The following PCDHGB6 variants were observed in gnomAD, a reference collection of about 807,000 sequenced individuals.
PCDHGB6 encodes protocadherin gamma subfamily B, 6.
A neutral mutation model predicts 59.1 loss-of-function variants in PCDHGB6; 51 were observed. That is an observed-to-expected ratio of 0.86 (90% CI 0.69 to 1.09). The LOEUF is 1.09. PCDHGB6 is among the 50% of genes least tolerant of loss of function. The pLI, the probability that PCDHGB6 is intolerant of heterozygous loss-of-function variation, is 0.00. For missense variants in PCDHGB6, 1,148 were observed against 1,205.1 expected (o/e 0.95, Z 0.70); for synonymous variants, 466 against 495.1 (o/e 0.94, Z 0.78).
At chr5:141,467,431 C>T (rs1452587540) in intron 1 of PCDHGB6, among the ~76,000 whole-genome samples, 1 of 152,170 alleles carries the variant, frequency 6.6e-6, no homozygotes, top group African/African-American at 2.4e-5. Flanking sequence ...GTTATAGAAA[C>T]ATTCATTACT....
chr5:141,423,514 G>T (rs1208270970), intron 1 of PCDHGB6: 2 of 1,613,812 alleles, frequency 1.2e-6, no homozygotes, highest in Non-Finnish European at 1.7e-6. Flanking sequence ...TCTCATTGCG[G>T]ACTCGCAGAA....
chr5:141,421,265 T>G (rs2154549151), intron 1 of PCDHGB6: 1 of 1,596,914 alleles, frequency 6.3e-7, no homozygotes, highest in Non-Finnish European at 8.5e-7. Flanking sequence ...CGCAGTCGGC[T>G]GCTGCTGCTG....
intron 1 of PCDHGB6, chr5:141,427,048 C>T (rs1257232583): frequency 4.4e-6 from 2 of 457,350 alleles, no homozygotes; most frequent in South Asian, 1.5e-5. Context: ...AATGTGCCCC[C>T]AGGCACCTCT....
chr5:141,508,741 C>G (rs2099871426), intron 3 of PCDHGB6, among the ~76,000 whole-genome samples: 1 of 152,042 alleles, frequency 6.6e-6, no homozygotes, highest in Non-Finnish European at 1.5e-5. Context: ...ACCCCCCACC[C>G]CGCTCTTTCT....
At chr5:141,446,493 T>C (rs1416449558) in intron 1 of PCDHGB6, among the ~76,000 whole-genome samples, 2 of 152,152 alleles carry the variant, frequency 1.3e-5, no homozygotes. Flanking sequence ...TTTTTTTTTT[T>C]TGAGATGGAG....
At chr5:141,449,979 C>T (rs1382206842) in intron 1 of PCDHGB6, among the ~76,000 whole-genome samples, 1 of 148,862 alleles carries the variant, frequency 6.7e-6, no homozygotes, top group Non-Finnish European at 1.5e-5. Context: ...TCCAAAATAT[C>T]ACACATTGCA....
intron 1 of PCDHGB6, among the ~76,000 whole-genome samples, chr5:141,452,815 A>G (rs1199990390): frequency 6.6e-6 from 1 of 152,186 alleles, no homozygotes; most frequent in Admixed American, 6.5e-5. Flanking sequence ...TTTGTTCATA[A>G]GAAGCAAAAT....
intron 1 of PCDHGB6, chr5:141,427,514 G>A (rs1193674497): frequency 1.7e-6 from 1 of 595,712 alleles, no homozygotes; most frequent in Non-Finnish European, 3.2e-6. Context: ...CCCTGGATTG[G>A]GAGCGGATCC....
chr5:141,491,034 T>A lies in PCDHGB6; in HGVS notation c.2419-3773T>A. On this transcript the variant is annotated intron_variant, in intron 1 of 3. Coordinates refer to ENST00000520790, the MANE Select transcript of PCDHGB6 (RefSeq NM_018926.3). This position sits in a 1 kb window ranked among gnomAD's most constrained non-coding sequence, Gnocchi z 6.9. ...CCAAGGTGACAGCCGTGGATGCTGA[T>A]GCAGGCCACAATGCGTGGCTCTCCT... 1 of 1,614,170 alleles carries A rather than the reference T, an allele frequency of 6.2e-7. No individual in the cohort carries two copies. Among genetic ancestry groups the A allele is most frequent in the African/African-American group, 1.3e-5 (1 of 75,074 alleles).
At chr5:141,478,016 G>A (rs1204231648) in intron 1 of PCDHGB6, 1 of 1,614,108 alleles carries the variant, frequency 6.2e-7, no homozygotes, top group Non-Finnish European at 8.5e-7. Context: ...TGCCCGTCCA[G>A]TCCAAGACAC....
At chr5:141,422,292 T>C in intron 1 of PCDHGB6, 1 of 1,552,434 alleles carries the variant, frequency 6.4e-7, no homozygotes. Context: ...CTTCTATTAA[T>C]TCAATTCTGG....
chr5:141,428,176 A>G (rs751446929), intron 1 of PCDHGB6: 21 of 1,507,402 alleles, frequency 1.4e-5, no homozygotes, highest in Non-Finnish European at 1.9e-5. Context: ...TGCGTGACGG[A>G]GGACAGCCGC....
Position 141,489,699 on chromosome 5 carries a change from A to G in PCDHGB6, c.2419-5108A>G. ...CAGCAGCATCTGGGGCACGATTCCC[A>G]CTGGACAGTGCCCAGGATCCGGATG... is the stretch of plus-strand genomic sequence containing the variant. On this transcript the variant is annotated intron_variant, in intron 1 of 3. Transcript: ENST00000520790. The surrounding 1 kb of genome is among the most constrained non-coding windows in gnomAD (Gnocchi z 4.5). The G allele has an allele frequency of 6.2e-7, 1 of 1,614,102 alleles. No homozygotes were observed. The highest frequency in any genetic ancestry group is 8.5e-7 in the Non-Finnish European group (1 of 1,179,956).
In PCDHGB6 at chr5:141,485,624, C is replaced by T; in HGVS notation, c.2419-9183C>T. 1 of 1,611,640 alleles carries T rather than the reference C, an allele frequency of 6.2e-7. No homozygotes were observed. The highest frequency in any genetic ancestry group is 1.1e-5 in the South Asian group (1 of 90,868). The stretch of plus-strand genomic sequence containing the variant: ...TGGGGAGGCAGCTCCTCCAGGACAG[C>T]GTTTCCCGTTGGAAAAGGCTCAGGA... On this transcript the variant is annotated intron_variant, in intron 1 of 3. Transcript: ENST00000520790. This position sits in a 1 kb window ranked among gnomAD's most constrained non-coding sequence, Gnocchi z 5.7.
intron 1 of PCDHGB6, chr5:141,430,604 A>C (rs1288378907): frequency 7.8e-6 from 5 of 641,158 alleles, no homozygotes; most frequent in Non-Finnish European, 1.2e-5. Context: ...CGCCTGAAGC[A>C]CAAAGCAGAT....
chr5:141,457,413 A>C (rs939244132), intron 1 of PCDHGB6, among the ~76,000 whole-genome samples: 6 of 152,142 alleles, frequency 3.9e-5, no homozygotes, highest in Non-Finnish European at 5.9e-5. Flanking sequence ...CACATTACCC[A>C]TCCCTTTTTC....
At chr5:141,497,079 C>T (rs564690352) in intron 2 of PCDHGB6, among the ~76,000 whole-genome samples, 2 of 151,982 alleles carry the variant, frequency 1.3e-5, no homozygotes, top group African/African-American at 4.8e-5. Flanking sequence ...ATCCCAGCGA[C>T]TTAGGAGGCT....
intron 1 of PCDHGB6, chr5:141,442,380 T>G (rs1235241143): frequency 2.6e-5 from 4 of 152,244 alleles, no homozygotes; most frequent in Non-Finnish European, 4.4e-5. Flanking sequence ...TCCTACCAGG[T>G]GTGTGCTTCT....
At chr5:141,437,832 G>A (rs929534984) in intron 1 of PCDHGB6, among the ~76,000 whole-genome samples, 2 of 151,794 alleles carry the variant, frequency 1.3e-5, no homozygotes, top group Admixed American at 1.3e-4. Context: ...CTGCCTCCTG[G>A]GTTCATGCTA....
Sources: allele counts gnomAD v4.1 joint callset (sites outside exome capture counted in the v4.1 genomes callset), GRCh38; gene constraint gnomAD v4.1.1; non-coding constraint Gnocchi (gnomAD v3.1); transcripts MANE v1.5; gene names NCBI Gene and HGNC (gene_info 2026-07-23, HGNC 2026-07-21).